The following CACNA1E variants were observed in gnomAD, a reference collection of about 807,000 sequenced individuals.
CACNA1E encodes voltage-dependent R-type calcium channel subunit alpha-1E.
CACNA1E carries 40 observed loss-of-function variants against 259.2 expected under a neutral mutation model. That is an observed-to-expected ratio of 0.15 (90% CI 0.12 to 0.20). The LOEUF is 0.20. Ranked by LOEUF, CACNA1E falls within the 10% of genes least tolerant of loss-of-function variation. The pLI is 1.00. For missense variants in CACNA1E, 1,874 were observed against 3,040.1 expected, an observed-to-expected ratio of 0.62 and a Z score of 9.02; for synonymous variants, 1,104 against 1,138.5, an observed-to-expected ratio of 0.97 and a Z score of 0.61.
chr1:181,561,136 A>G (rs1351429766), intron 3 of CACNA1E, among the ~76,000 whole-genome samples: 2 of 152,156 alleles, frequency 1.3e-5, no homozygotes, highest in Non-Finnish European at 2.9e-5. Context: ...GGCAGATGAA[A>G]AAGTTCTGGA....
intron 1 of CACNA1E, among the ~76,000 whole-genome samples, chr1:181,500,700 A>G (rs1247350616): frequency 6.6e-6 from 1 of 152,170 alleles, no homozygotes; most frequent in Non-Finnish European, 1.5e-5. Context: ...GCTGTGATGT[A>G]TTTCTCAAGT....
At chr1:181,420,759 G>A (rs1055681600) in intron 2 of CACNA1E, among the ~76,000 whole-genome samples, 6 of 152,160 alleles carry the variant, frequency 3.9e-5, no homozygotes, top group African/African-American at 1.4e-4. Context: ...ATATGGGTCT[G>A]GAAGAAAGGA....
chr1:181,755,811 C>A, intron 28 of CACNA1E, 145 bp from the exon 29 acceptor site: 1 of 855,820 alleles, frequency 1.2e-6, no homozygotes, highest in East Asian at 2.8e-5. Flanking sequence ...GTAAAAATAC[C>A]TTCCTTTAAT....
chr1:181,363,163 A>G (rs1458896361), intron 1 of CACNA1E, among the ~76,000 whole-genome samples: 1 of 152,178 alleles, frequency 6.6e-6, no homozygotes, highest in Admixed American at 6.5e-5. Flanking sequence ...GAAGGTTATA[A>G]AGAAGCCTAA....
intron 25 of CACNA1E, among the ~76,000 whole-genome samples, chr1:181,749,146 T>C (rs1416535804): frequency 6.6e-6 from 1 of 152,194 alleles, no homozygotes; most frequent in Admixed American, 6.5e-5. Flanking sequence ...AAGTCTTTGC[T>C]TGTGACATAC....
rs1558147711 is a variant in CACNA1E, at chr1:181,579,201, G to A, written c.746G>A (p.Arg249Gln). The change falls in exon 5 of 48, where the codon CGA becomes CAA. Residue 249 changes from arginine to glutamine, a missense_variant. This residue lies in a region of CACNA1E where 28 missense variants were observed against 64.6 expected (regional missense o/e 0.43). Transcript: ENST00000367573. ...GAGTTCTACAGTGGCAAGTTACATC[G>A]AGCATGCTTCATGAACAATTCAGGT... Reference protein sequence around the residue: ...GLEFYSGKLHRACFMNNSGIL... With the variant: ...GLEFYSGKLHQACFMNNSGIL... 6 of 1,613,426 alleles carry A rather than the reference G, an allele frequency of 3.7e-6. No individual in the cohort carries two copies. Among genetic ancestry groups the A allele is most frequent in the East Asian group, 2.2e-5 (1 of 44,868 alleles).
chr1:181,389,881 A>G (rs1207116831), intron 1 of CACNA1E, among the ~76,000 whole-genome samples: 3 of 152,258 alleles, frequency 2.0e-5, no homozygotes, highest in Non-Finnish European at 4.4e-5. Context: ...AGATACTTCA[A>G]GTGAAGACAC....
chr1:181,655,432 A>T (rs2102089953), intron 7 of CACNA1E, among the ~76,000 whole-genome samples: 1 of 152,366 alleles, frequency 6.6e-6, no homozygotes, highest in South Asian at 2.1e-4. Context: ...CAATGGCAAC[A>T]CTGAAAGTTA....
At chr1:181,672,200 C>T (rs1333724453) in intron 7 of CACNA1E, among the ~76,000 whole-genome samples, 1 of 152,064 alleles carries the variant, frequency 6.6e-6, no homozygotes, top group African/African-American at 2.4e-5. Context: ...TTCATGAGCA[C>T]AAAGAGGAGA....
At chr1:181,763,096 A>C (rs922311500) in intron 33 of CACNA1E, among the ~76,000 whole-genome samples, 17 of 152,192 alleles carry the variant, frequency 1.1e-4, no homozygotes, top group African/African-American at 4.1e-4. Flanking sequence ...AGGGGTTCCT[A>C]GATCTGCTCT....
chr1:181,498,893 G>T (rs1665010080), intron 1 of CACNA1E, among the ~76,000 whole-genome samples: 1 of 152,236 alleles, frequency 6.6e-6, no homozygotes, highest in East Asian at 1.9e-4. Context: ...TGTTTTTGGT[G>T]TTTGGGGCAT....
chr1:181,769,647 G>A (rs1243630861), intron 35 of CACNA1E, among the ~76,000 whole-genome samples: 1 of 152,140 alleles, frequency 6.6e-6, no homozygotes, highest in Non-Finnish European at 1.5e-5. Context: ...CACATACTTT[G>A]TGCAAAATCG....
intron 1 of CACNA1E, among the ~76,000 whole-genome samples, chr1:181,394,693 C>G (rs574269786): frequency 6.6e-6 from 1 of 152,154 alleles, no homozygotes; most frequent in African/African-American, 2.4e-5. Flanking sequence ...CTAAGACAGG[C>G]CATCATTGTT....
intron 27 of CACNA1E, among the ~76,000 whole-genome samples, chr1:181,752,920 C>T (rs1043863598): frequency 2.0e-5 from 3 of 152,226 alleles, no homozygotes; most frequent in Non-Finnish European, 2.9e-5. Context: ...AGGAAAGCTT[C>T]CTGCACTCTA....
intron 2 of CACNA1E, among the ~76,000 whole-genome samples, chr1:181,454,273 A>T (rs936105445): frequency 6.6e-6 from 1 of 151,970 alleles, no homozygotes; most frequent in Non-Finnish European, 1.5e-5. Context: ...CCCCATCCCC[A>T]CCCCGCTCCC....
chr1:181,748,463 A>T (rs563995503), intron 25 of CACNA1E, among the ~76,000 whole-genome samples: 10 of 152,296 alleles, frequency 6.6e-5, no homozygotes, highest in African/African-American at 2.2e-4. Flanking sequence ...CCCGCAGAAG[A>T]CGCATGTCTA....
intron 6 of CACNA1E, among the ~76,000 whole-genome samples, chr1:181,639,089 T>C (rs559333985): frequency 2.6e-5 from 4 of 151,700 alleles, no homozygotes; most frequent in African/African-American, 7.3e-5. Flanking sequence ...GTAGAGTAGA[T>C]GCCTTTTTTT....
Position 181,736,316 on chromosome 1 carries a change from G to T in CACNA1E, c.3304G>T (p.Ala1102Ser). The T allele has an allele frequency of 1.2e-6, 2 of 1,603,192 alleles. No individual in the cohort carries two copies. Among genetic ancestry groups the T allele is most frequent in the Non-Finnish European group, 1.7e-6 (2 of 1,174,616 alleles). Residue 1102 changes from alanine (A) to serine (S), a missense_variant, in exon 22 of 48, where the codon GCA becomes TCA. Around this residue, in one of 14 missense-constraint regions of CACNA1E, gnomAD observed 476 missense variants for 514.0 expected, o/e 0.93. Transcript: ENST00000367573. ...TDGEASPLKE[A>S]EIREDEEEVE... The stretch of plus-strand genomic sequence containing the variant: ...TGGGGAAGCCAGTCCCTTGAAGGAG[G>T]CAGAGATCAGAGAGGATGAGGAGGA...
At chr1:181,453,025 T>C (rs1661256884) in intron 2 of CACNA1E, among the ~76,000 whole-genome samples, 1 of 152,250 alleles carries the variant, frequency 6.6e-6, no homozygotes, top group African/African-American at 2.4e-5. Context: ...CAAATCTTGA[T>C]GGACTTGTAT....
Sources: allele counts gnomAD v4.1 joint callset (sites outside exome capture counted in the v4.1 genomes callset), GRCh38; gene constraint gnomAD v4.1.1; regional missense constraint gnomAD v4.1.1; transcripts MANE v1.5; gene names NCBI Gene and HGNC (gene_info 2026-07-23, HGNC 2026-07-21).